EIF2AK4: variants seen among roughly 807,000 people sequenced by gnomAD.
EIF2AK4 encodes eIF-2-alpha kinase GCN2.
In EIF2AK4, 139 loss-of-function variants were observed where a neutral mutation model predicts 211.1. The observed-to-expected ratio is 0.66, with a 90% confidence interval of 0.57 to 0.76. The LOEUF is 0.76. Ranked by LOEUF, EIF2AK4 falls within the 30% of genes least tolerant of loss-of-function variation. EIF2AK4 has a pLI of 0.00. For synonymous variants in EIF2AK4, 710 were observed against 751.3 expected (o/e 0.94, Z 0.90); for missense variants, 1,664 against 2,043.8 (o/e 0.81, Z 3.58).
At position 39,974,031 on chromosome 15, in the gene EIF2AK4, G is replaced by T. The variant is rs1323110683; in HGVS notation, c.1818+282G>T. On this transcript the variant is annotated intron_variant, in intron 11 of 38. Transcript: ENST00000263791. ...TTCAAGTGGAATCAAGACCTCCACA[G>T]AAAGAACATTTTTGTGTGCTTTGGT... The T allele has an allele frequency of 7.2e-5, 17 of 236,440 alleles. 1 individual carries two copies. The East Asian group carries it at 1.4e-3, about 19-fold the overall frequency. 14.6% of individuals were successfully genotyped at this position (236,440 alleles called of 1,614,324 possible). A position where few individuals can be genotyped will look rare whatever the true frequency, so the allele number is the denominator to read the frequency against.
intron 32 of EIF2AK4, among the ~76,000 whole-genome samples, chr15:40,023,350 T>C (rs1197115146): frequency 1.3e-5 from 2 of 152,030 alleles, no homozygotes; most frequent in Admixed American, 1.3e-4. Flanking sequence ...CTCTTCTAAT[T>C]TTTTTTTGGT....
In EIF2AK4 at chr15:40,027,150, C is replaced by T. The variant is rs78768533; in HGVS notation, c.4502+1061C>T. On this transcript the variant is annotated intron_variant, in intron 33 of 38. Coordinates refer to ENST00000263791, the MANE Select transcript of EIF2AK4 (RefSeq NM_001013703.4). Reference sequence around the variant, plus strand: ...CAACTGTTTTCCAAAAGAAAATTAACTTAGTAAGGAAAATGGCATTGTTTA... The same window carrying T: ...CAACTGTTTTCCAAAAGAAAATTAATTTAGTAAGGAAAATGGCATTGTTTA... Among the ~76,000 whole-genome samples the T allele has an allele frequency of 7.3e-4, 111 of 152,216 alleles. 2 individuals are homozygous for T. The East Asian group carries it at 0.02, about 28-fold the overall frequency.
intron 11 of EIF2AK4, chr15:39,975,422 CAA>C (rs776410775): frequency 6.6e-6 from 1 of 152,228 alleles, no homozygotes; most frequent in Admixed American, 6.5e-5. Flanking sequence ...GTGAGCCAAA[CAA>C]GAGAATGATA....
chr15:39,974,039 A>T (rs1216438342), intron 11 of EIF2AK4: 1 of 222,534 alleles, frequency 4.5e-6, no homozygotes, highest in Non-Finnish European at 8.7e-6. Flanking sequence ...CAGAAAGAAC[A>T]TTTTTGTGTG....
At chr15:40,029,584 T>C in intron 34 of EIF2AK4, 120 bp downstream of exon 34, 1 of 1,032,232 alleles carries the variant, frequency 9.7e-7, no homozygotes, top group Non-Finnish European at 1.4e-6. Context: ...ATATACGCAA[T>C]AAATTGTACC....
At chr15:40,001,293 C>A (rs755890227) in intron 21 of EIF2AK4, 69 bp downstream of exon 21, 8 of 1,501,014 alleles carry the variant, frequency 5.3e-6, no homozygotes, top group Non-Finnish European at 7.3e-6. Context: ...CAGTTTCTCA[C>A]AGATTCTTTT....
chr15:39,962,894 T>C (rs189574452), intron 7 of EIF2AK4, among the ~76,000 whole-genome samples: 1 of 152,316 alleles, frequency 6.6e-6, no homozygotes, highest in Non-Finnish European at 1.5e-5. Flanking sequence ...TAGAAACCAT[T>C]TGTACATAGT....
intron 9 of EIF2AK4, among the ~76,000 whole-genome samples, chr15:39,972,250 T>C (rs1014114635): frequency 6.6e-6 from 1 of 150,620 alleles, no homozygotes; most frequent in Non-Finnish European, 1.5e-5. Flanking sequence ...TCCCAGCTAC[T>C]GAGATGGGAG....
rs187699587 is a variant in EIF2AK4 at position 39,955,761 on chromosome 15, A to C, written c.736A>C (p.Arg246=). Residue 246 remains arginine, a synonymous_variant, in exon 6 of 39, where the codon AGG becomes CGG. Transcript: ENST00000263791. ...NGKHRANSSG[R]SRRERQYSVC... Reference sequence around the variant, plus strand: ...TAAACATCGGGCAAACTCCTCAGGAAGGTCTAGGTAAGTCCCTGGGATTTC... The same window carrying C: ...TAAACATCGGGCAAACTCCTCAGGACGGTCTAGGTAAGTCCCTGGGATTTC... 4 of 1,604,764 alleles carry C rather than the reference A, an allele frequency of 2.5e-6. No homozygotes were observed. Among genetic ancestry groups the C allele is most frequent in the Admixed American group, 1.7e-5 (1 of 57,558 alleles).
intron 13 of EIF2AK4, among the ~76,000 whole-genome samples, chr15:39,979,468 C>G (rs2034749548): frequency 6.6e-6 from 1 of 152,108 alleles, no homozygotes; most frequent in South Asian, 2.1e-4. Flanking sequence ...ATCTGGCATC[C>G]CTCATACTTT....
chr15:39,942,484 G>A (rs529195390), intron 2 of EIF2AK4, among the ~76,000 whole-genome samples: 11 of 152,260 alleles, frequency 7.2e-5, no homozygotes, highest in South Asian at 2.1e-4. Context: ...TTGAGAGAAC[G>A]CATAGATAAG....
chr15:40,016,214 G>A (rs572755811), intron 27 of EIF2AK4, among the ~76,000 whole-genome samples: 7 of 152,208 alleles, frequency 4.6e-5, no homozygotes, highest in African/African-American at 1.7e-4. Context: ...TGGAAGCTCT[G>A]CTAGTGCCAG....
Position 39,967,790 on chromosome 15 carries a change from G to C in EIF2AK4, c.1464G>C (p.Leu488=). 6.2e-7 allele frequency: 1 copy of C among 1,614,208 alleles called. No homozygotes were observed. The highest frequency in any genetic ancestry group is 1.3e-5 in the African/African-American group (1 of 75,052). Reference sequence around the variant, plus strand: ...ATGTTTGGCGTCTTGGCCTTCTGCTGCTGTCCCTCAGCCAAGGACAGGAAT... The same window carrying C: ...ATGTTTGGCGTCTTGGCCTTCTGCTCCTGTCCCTCAGCCAAGGACAGGAAT... The part of the protein sequence containing the change: ...KGDVWRLGLL[L]LSLSQGQECG... Residue 488 remains leucine (L), a synonymous_variant, in exon 9 of 39, where the codon CTG becomes CTC. Coordinates refer to ENST00000263791, the MANE Select transcript of EIF2AK4 (RefSeq NM_001013703.4).
chr15:40,016,440 G>A lies in EIF2AK4; in HGVS notation c.3760-62G>A, dbSNP rs756647545. On this transcript the variant is annotated intron_variant, in intron 27 of 38. Coordinates refer to ENST00000263791, the MANE Select transcript of EIF2AK4 (RefSeq NM_001013703.4). ...CCTGCTCCTGCAGGTGCACACAGTC[G>A]GTGCAAAGGGAGTCTTCCCCTGCTG... 3.3e-4 allele frequency: 531 copies of A among 1,585,550 alleles called. 1 individual carries two copies. The highest frequency in any genetic ancestry group is 1.0e-3 in the Middle Eastern group (6 of 5,970).
chr15:39,947,725 C>G (rs1252345572), intron 3 of EIF2AK4, among the ~76,000 whole-genome samples: 2 of 152,188 alleles, frequency 1.3e-5, no homozygotes, highest in Non-Finnish European at 2.9e-5. Flanking sequence ...CTGTTCTTTA[C>G]AAGGCATTCA....
At chr15:40,031,811 T>C (rs1406422575) in intron 35 of EIF2AK4, among the ~76,000 whole-genome samples, 1 of 152,024 alleles carries the variant, frequency 6.6e-6, no homozygotes, top group African/African-American at 2.4e-5. Context: ...CCACAACCTC[T>C]GCCTCCCATG....
Position 39,934,226 on chromosome 15 carries a change from G to T in EIF2AK4, c.31G>T (p.Gly11Cys). Residue 11 changes from glycine to cysteine, a missense_variant, in exon 1 of 39, where the codon GGC becomes TGC. Coordinates refer to ENST00000263791, the MANE Select transcript of EIF2AK4 (RefSeq NM_001013703.4). MAGGRGAPGR[G>C]RDEPPESYPQ... is the part of the protein sequence containing the mutation. The stretch of plus-strand genomic sequence containing the variant: ...TGGGGGCCGTGGGGCCCCCGGGCGC[G>T]GCCGGGACGAGCCTCCGGAGAGCTA... 1 of 1,596,164 alleles carries T rather than the reference G, an allele frequency of 6.3e-7. No homozygotes were observed. Among genetic ancestry groups the T allele is most frequent in the Admixed American group, 1.7e-5 (1 of 58,180 alleles).
Position 40,003,229 on chromosome 15 carries a change from G to A in EIF2AK4, c.3272G>A (p.Arg1091Gln), listed in dbSNP as rs374814780. 7.4e-5 allele frequency: 119 copies of A among 1,614,010 alleles called. No individual in the cohort carries two copies. Among genetic ancestry groups the A allele is most frequent in the Non-Finnish European group, 9.0e-5 (106 of 1,180,034 alleles). ...VQLCTPLLLP[R>Q]NRQIYEHNEA... ...TTGTGTACTCCACTACTGCTTCCCC[G>A]AAACAGACAAATATATGAGCACAAC... The change falls in exon 23 of 39, where the codon CGA becomes CAA. Residue 1091 changes from arginine to glutamine, a missense_variant. Arg to Gln is a conservative substitution (Grantham distance 43). Coordinates refer to ENST00000263791, the MANE Select transcript of EIF2AK4 (RefSeq NM_001013703.4).
intron 17 of EIF2AK4, 76 bp from the exon 18 acceptor site, chr15:39,992,693 C>A: frequency 7.5e-7 from 1 of 1,325,346 alleles, no homozygotes; most frequent in African/African-American, 1.4e-5. Flanking sequence ...TTTTAAGAAA[C>A]CTTTTTTTGT....
Sources: gnomAD v4.1 joint callset for allele counts (sites outside exome capture counted in the v4.1 genomes callset) on GRCh38, gnomAD v4.1.1 for gene constraint, MANE v1.5 for transcripts, NCBI Gene and HGNC (gene_info 2026-07-23, HGNC 2026-07-21) for gene names.